The following DRC7 variants were observed in gnomAD, a reference collection of about 807,000 sequenced individuals.
The protein encoded by DRC7 is dynein regulatory complex subunit 7.
Under a neutral mutation model 104.4 loss-of-function variants are expected in DRC7, and 80 were observed. That is an observed-to-expected ratio of 0.77 (90% CI 0.64 to 0.92). The LOEUF (loss-of-function observed/expected upper bound fraction) is 0.92. DRC7 is among the 40% of genes least tolerant of loss of function. DRC7 has a pLI of 0.00. For missense variants in DRC7, 1,034 were observed against 1,141.1 expected, an observed-to-expected ratio of 0.91 and a Z score of 1.35; for synonymous variants, 405 against 447.3, an observed-to-expected ratio of 0.91 and a Z score of 1.19.
intron 15 of DRC7, 161 bp downstream of exon 15, chr16:57,727,103 A>C: frequency 3.1e-6 from 2 of 645,744 alleles, no homozygotes; most frequent in Non-Finnish European, 5.5e-6. Context: ...TGGGACCACT[A>C]GCGCACACCA....
chr16:57,696,105 G>T (rs779890880), intron 1 of DRC7, among the ~76,000 whole-genome samples: 1 of 152,196 alleles, frequency 6.6e-6, no homozygotes, highest in Admixed American at 6.5e-5. Flanking sequence ...CCCATTTGCC[G>T]TAAGGAAAAC....
At chr16:57,721,373 A>C (rs1033784136) in intron 9 of DRC7, among the ~76,000 whole-genome samples, 1 of 152,126 alleles carries the variant, frequency 6.6e-6, no homozygotes, top group Non-Finnish European at 1.5e-5. Flanking sequence ...TCTTGGAGAG[A>C]GGGTGGGGCT....
intron 14 of DRC7, 95 bp from the exon 15 acceptor site, chr16:57,726,737 C>T (rs2048971342): frequency 1.4e-6 from 1 of 710,344 alleles, no homozygotes; most frequent in Non-Finnish European, 2.5e-6. Flanking sequence ...CGAGGTCACA[C>T]AGCTGGAAAG....
In DRC7 at chr16:57,707,714, G is replaced by A. The variant is rs1178662112; in HGVS notation, c.1077+36G>A. On this transcript the variant is annotated intron_variant, in intron 8 of 18. Coordinates refer to ENST00000360716, the MANE Select transcript of DRC7 (RefSeq NM_001289162.2). The stretch of plus-strand genomic sequence containing the variant: ...AGGGGGAGCTGGGTGGGTGTGGCAG[G>A]CACAGTGCAGGTGATAGGAATAGAG... The A allele has an allele frequency of 5.7e-6, 9 of 1,577,312 alleles. No individual in the cohort carries two copies. The South Asian group carries it at 9.0e-5, about 16-fold the overall frequency.
chr16:57,714,750 C>T (rs1249362113), intron 8 of DRC7: 1 of 447,954 alleles, frequency 2.2e-6, no homozygotes, highest in African/African-American at 2.1e-5. Flanking sequence ...GTATGTTGAC[C>T]TATCCCTTTG....
At position 57,698,047 on chromosome 16, in the gene DRC7, G is replaced by A. The variant is rs775861445; in HGVS notation, c.98G>A (p.Arg33Lys). The stretch of plus-strand genomic sequence containing the variant: ...TGGGCGAGGATGGAGAAAATGATGA[G>A]GCCAGTTGAGGTGCGGAAGGAGGAA... ...AEWARMEKMM[R>K]PVEVRKEEIT... Residue 33 changes from arginine to lysine, a missense_variant, in exon 3 of 19, where the codon AGG becomes AAG. Transcript: ENST00000360716. 1.6e-5 allele frequency: 26 copies of A among 1,614,122 alleles called. No individual in the cohort carries two copies. In the East Asian group the frequency reaches 5.3e-4, roughly 33 times the overall value.
At chr16:57,706,709 C>G (rs2048736137) in intron 7 of DRC7, among the ~76,000 whole-genome samples, 3 of 115,042 alleles carry the variant, frequency 2.6e-5, no homozygotes, top group Admixed American at 2.5e-4. Context: ...TCCAACCCAT[C>G]CTCCCATCCG....
chr16:57,713,854 A>T (rs974562229), intron 8 of DRC7: 1 of 155,136 alleles, frequency 6.4e-6, no homozygotes, highest in Non-Finnish European at 1.4e-5. Context: ...CTCATGGTGT[A>T]TGAGCCTCTT....
At chr16:57,726,768 C>T in intron 14 of DRC7, 64 bp from the exon 15 acceptor site, 1 of 1,000,978 alleles carries the variant, frequency 1.0e-6, no homozygotes, top group Non-Finnish European at 1.5e-6. Flanking sequence ...AGATTTGAAC[C>T]CAGGTGGTCC....
chr16:57,728,632 T>C (rs747364069), intron 17 of DRC7, 48 bp downstream of exon 17: 2 of 1,469,640 alleles, frequency 1.4e-6, no homozygotes, highest in Non-Finnish European at 1.8e-6. Context: ...AGCATCTGCA[T>C]CCAGGAAATG....
intron 9 of DRC7, among the ~76,000 whole-genome samples, chr16:57,720,806 G>A (rs903868396): frequency 7.9e-5 from 12 of 152,216 alleles, no homozygotes; most frequent in African/African-American, 2.7e-4. Flanking sequence ...GTTTTAAGTC[G>A]AGAAAGTCTT....
intron 8 of DRC7, among the ~76,000 whole-genome samples, chr16:57,709,369 G>A (rs879730235): frequency 6.6e-6 from 1 of 152,060 alleles, no homozygotes; most frequent in Non-Finnish European, 1.5e-5. Context: ...TCAAATTGAA[G>A]TGGGGATTCT....
intron 7 of DRC7, among the ~76,000 whole-genome samples, chr16:57,705,258 G>A (rs1365611344): frequency 1.3e-5 from 2 of 152,008 alleles, no homozygotes; most frequent in Non-Finnish European, 2.9e-5. Flanking sequence ...ACTGCCTGGG[G>A]CAGCCCATTC....
chr16:57,721,033 C>T (rs2048896312), intron 9 of DRC7, among the ~76,000 whole-genome samples: 3 of 151,928 alleles, frequency 2.0e-5, no homozygotes, highest in African/African-American at 7.3e-5. Context: ...CACCACCCTC[C>T]TCCCCCGGCC....
In DRC7 at chr16:57,722,764, CA is replaced by C. The variant is rs1810405313; in HGVS notation, c.1334del (p.Lys445SerfsTer15). The C allele has an allele frequency of 6.2e-7, 1 of 1,613,894 alleles. No individual in the cohort carries two copies. The highest frequency in any genetic ancestry group is 2.2e-5 in the East Asian group (1 of 44,878). On this transcript the variant is annotated frameshift_variant, in exon 11 of 19. Transcript: ENST00000360716. LOFTEE classifies it high-confidence loss of function. ...NGKKVIQYKR[A>X]KLEKWAPYLN... ...AAGAAGGTGATTCAGTACAAGAGGGCAAAGCTGGAGAAGTGGGCCCCGTACC... is the reference window on the plus strand; with the variant it reads ...AAGAAGGTGATTCAGTACAAGAGGGCAAGCTGGAGAAGTGGGCCCCGTACC...
At position 57,698,949 on chromosome 16, in the gene DRC7, C is replaced by A; in HGVS notation, c.303C>A (p.Phe101Leu). 6.2e-7 allele frequency: 1 copy of A among 1,614,062 alleles called. No individual in the cohort carries two copies. The highest frequency in any genetic ancestry group is 8.5e-7 in the Non-Finnish European group (1 of 1,180,026). The change falls in exon 4 of 19, where the codon TTC (phenylalanine) becomes TTA (leucine). Residue 101 changes from phenylalanine to leucine, a missense_variant. Physicochemically the swap from Phe to Leu is conservative, Grantham distance 22. Coordinates refer to ENST00000360716, the MANE Select transcript of DRC7 (RefSeq NM_001289162.2). ...EEHLLQVADNFSRQYSHLCPD... is the reference protein window; with the variant it reads ...EEHLLQVADNLSRQYSHLCPD... ...ACCTGCTGCAGGTGGCAGACAACTT[C>A]TCCCGCCAGTACAGCCATCTGTGCC... is the stretch of plus-strand genomic sequence containing the variant.
intron 8 of DRC7, 153 bp downstream of exon 8, chr16:57,707,831 C>A (rs1371526304): frequency 6.0e-6 from 4 of 662,972 alleles, no homozygotes; most frequent in East Asian, 2.7e-5. Flanking sequence ...ATGGCCCACT[C>A]CCTTGCCCAT....
At chr16:57,702,706 C>T (rs568017506) in intron 6 of DRC7, among the ~76,000 whole-genome samples, 9 of 152,224 alleles carry the variant, frequency 5.9e-5, no homozygotes, top group African/African-American at 2.2e-4. Context: ...GAGGCTGAGA[C>T]AGGAGAATCA....
intron 10 of DRC7, among the ~76,000 whole-genome samples, chr16:57,722,447 G>C (rs541504818): frequency 6.6e-6 from 1 of 152,104 alleles, no homozygotes; most frequent in African/African-American, 2.4e-5. Context: ...CTGGCAATGT[G>C]AGAGTGTGGT....
Sources: gnomAD v4.1 joint callset for allele counts (sites outside exome capture counted in the v4.1 genomes callset) on GRCh38, gnomAD v4.1.1 for gene constraint, MANE v1.5 for transcripts, NCBI Gene and HGNC (gene_info 2026-07-23, HGNC 2026-07-21) for gene names.